The following TNIP1 variants were observed in gnomAD, a reference collection of about 807,000 sequenced individuals.
TNIP1 encodes TNFAIP3-interacting protein 1.
In TNIP1, 22 loss-of-function variants were observed where a neutral mutation model predicts 86.6. That is an observed-to-expected ratio of 0.25 (90% CI 0.18 to 0.36). The LOEUF (loss-of-function observed/expected upper bound fraction) is 0.36. TNIP1 is among the 10% of genes least tolerant of loss of function. The pLI is 1.00. For synonymous variants in TNIP1, 294 were observed against 313.0 expected (o/e 0.94, Z 0.64); for missense variants, 709 against 820.6 (o/e 0.86, Z 1.66).
At chr5:151,080,527 GA>G (rs33934794) in intron 1 of TNIP1, among the ~76,000 whole-genome samples, 35,378 of 152,010 alleles carry the variant, frequency 0.23, 5,521 homozygotes, top group East Asian at 0.57. Context: ...AACTTGATAC[GA>G]AAACTCCTGA....
At chr5:151,031,272 G>A (rs973169315) in intron 17 of TNIP1, among the ~76,000 whole-genome samples, 2 of 152,132 alleles carry the variant, frequency 1.3e-5, no homozygotes, top group Non-Finnish European at 2.9e-5. Flanking sequence ...AGGGACACTC[G>A]CCACCTCCCA....
At chr5:151,064,909 C>T (rs574799701) in intron 2 of TNIP1, 51 bp downstream of exon 2, 6 of 1,611,092 alleles carry the variant, frequency 3.7e-6, no homozygotes, top group Non-Finnish European at 5.1e-6. Flanking sequence ...GGACTGGCAT[C>T]ACAGTCTGCA....
upstream of TNIP1, among the ~76,000 whole-genome samples, chr5:151,083,487 CTGCT>C (rs537324084): frequency 4.6e-4 from 70 of 152,336 alleles, no homozygotes; most frequent in African/African-American, 1.5e-3. Context: ...CTGGCACTGC[CTGCT>C]ACCCTGTGGT....
chr5:151,032,687 T>C (rs1228191621), intron 16 of TNIP1: 2 of 352,702 alleles, frequency 5.7e-6, no homozygotes, highest in Admixed American at 4.9e-5. Context: ...CCAAGAAGGG[T>C]CATATGGGAG....
chr5:151,059,820 AGAGAGAGAGTGTGTGTGTGT>A (rs1761216096), intron 5 of TNIP1, among the ~76,000 whole-genome samples: 1 of 93,818 alleles, frequency 1.1e-5, no homozygotes, highest in Non-Finnish European at 2.0e-5. Context: ...AGAGAGAGAG[AGAGAGAGAGTGTGTGTGTGT>A]GTGTGTGTGT....
rs142764684 is a variant in TNIP1 at position 151,079,213 on chromosome 5, G to C, written c.-37+1667C>G. 5.4e-3 allele frequency among the ~76,000 whole-genome samples: 821 copies of C among 152,352 alleles called. 11 individuals are homozygous for C. Among genetic ancestry groups the C allele is most frequent in the African/African-American group, 0.019 (781 of 41,566 alleles). ...ATTTTCCCGGGACACAGCCAGGACAGCAGCCTTGGTCAGGGGAAAGGGAAC... is the reference window on the plus strand; with the variant it reads ...ATTTTCCCGGGACACAGCCAGGACACCAGCCTTGGTCAGGGGAAAGGGAAC... On this transcript the variant is annotated intron_variant, in intron 1 of 17. Coordinates refer to ENST00000521591, the MANE Select transcript of TNIP1 (RefSeq NM_006058.5).
At chr5:151,060,126 C>T (rs1471598004) in intron 5 of TNIP1, among the ~76,000 whole-genome samples, 192 bp downstream of exon 5, 2 of 152,164 alleles carry the variant, frequency 1.3e-5, no homozygotes, top group African/African-American at 4.8e-5. Context: ...TGCTCCAAGT[C>T]GGGGAAGTCA....
upstream of TNIP1, among the ~76,000 whole-genome samples, chr5:151,081,793 C>A (rs1297084798): frequency 6.6e-6 from 1 of 152,198 alleles, no homozygotes; most frequent in Non-Finnish European, 1.5e-5. Context: ...TCCACCCTAC[C>A]TACTTATATG....
intron 15 of TNIP1, 47 bp downstream of exon 15, chr5:151,034,955 G>C: frequency 6.2e-7 from 1 of 1,607,392 alleles, no homozygotes; most frequent in Non-Finnish European, 8.5e-7. Flanking sequence ...GCTCCATGAG[G>C]AAGGTAAGAG....
In TNIP1 at chr5:151,063,668, C is replaced by T. The variant is rs1416939754; in HGVS notation, c.216G>A (p.Leu72=). 1.2e-6 allele frequency: 2 copies of T among 1,614,116 alleles called. No individual in the cohort carries two copies. Among genetic ancestry groups the T allele is most frequent in the Admixed American group, 1.7e-5 (1 of 60,018 alleles). Residue 72 remains leucine (L), a synonymous_variant, in exon 3 of 18, where the codon CTG becomes CTA. Transcript: ENST00000521591. ...KAEELVKDNE[L]LPPPSPSLGS... ...CCAAGGAGGGAGAAGGTGGTGGGAG[C>T]AGCTCGTTGTCCTTCACTAGCTCCT...
At chr5:151,031,047 T>C (rs1756816443) in intron 17 of TNIP1, among the ~76,000 whole-genome samples, 1 of 152,188 alleles carries the variant, frequency 6.6e-6, no homozygotes, top group African/African-American at 2.4e-5. Flanking sequence ...CAATCTCAAA[T>C]CCTGGAGCAG....
At chr5:151,037,018 C>A in intron 12 of TNIP1, 97 bp from the exon 13 acceptor site, 1 of 1,429,122 alleles carries the variant, frequency 7.0e-7, no homozygotes, top group Non-Finnish European at 9.3e-7. Flanking sequence ...TAATAATAAT[C>A]ATACTAATAA....
chr5:151,081,000 C>CG lies in TNIP1; in HGVS notation c.-158dup, dbSNP rs1427351414. 7 of 152,250 alleles carry CG rather than the reference C, an allele frequency of 4.6e-5. No homozygotes were observed. The highest frequency in any genetic ancestry group is 7.4e-5 in the Non-Finnish European group (5 of 68,016). The allele number at this position is 152,250 out of a possible 1,614,324, so 9.4% of individuals were successfully genotyped here. A position where few individuals can be genotyped will look rare whatever the true frequency, so the allele number is the denominator to read the frequency against. ...CCGTAGCACTCCTAGGGCTCCTGGACGGGGGCAGGGCACCCGGGCCGAGGA... is the reference window on the plus strand; with the variant it reads ...CCGTAGCACTCCTAGGGCTCCTGGACGGGGGGCAGGGCACCCGGGCCGAGGA... On this transcript the variant is annotated 5_prime_UTR_variant, in exon 1 of 18. Transcript: ENST00000521591.
At chr5:151,036,718 C>A in intron 13 of TNIP1, 72 bp downstream of exon 13, 2 of 1,606,126 alleles carry the variant, frequency 1.2e-6, no homozygotes, top group Non-Finnish European at 8.5e-7. Flanking sequence ...TGATTCCAAG[C>A]CGTCTGGGCC....
chr5:151,084,380 G>A (rs1764194766), upstream of TNIP1, among the ~76,000 whole-genome samples: 1 of 151,916 alleles, frequency 6.6e-6, no homozygotes, highest in Non-Finnish European at 1.5e-5. Flanking sequence ...AGGAGGTGGA[G>A]GTTGCAATGA....
At chr5:151,077,620 C>A (rs779338167) in intron 1 of TNIP1, among the ~76,000 whole-genome samples, 17 of 152,234 alleles carry the variant, frequency 1.1e-4, no homozygotes, top group Non-Finnish European at 4.4e-5. Flanking sequence ...AGCACTGAAT[C>A]ATGTGCTCTT....
At chr5:151,060,243 C>T in intron 5 of TNIP1, 75 bp downstream of exon 5, 1 of 1,505,500 alleles carries the variant, frequency 6.6e-7, no homozygotes, top group Non-Finnish European at 9.2e-7. Context: ...AGGTTCTGTG[C>T]CTCTCACATG....
chr5:151,042,866 C>A, intron 10 of TNIP1, 30 bp downstream of exon 10: 3 of 1,612,854 alleles, frequency 1.9e-6, no homozygotes, highest in Non-Finnish European at 2.5e-6. Flanking sequence ...CAGGCATGCC[C>A]TGTGGGCGTG....
rs772415850 is a variant in TNIP1 at position 151,033,622 on chromosome 5, G to T, written c.1765C>A (p.Arg589Ser). The T allele has an allele frequency of 3.7e-6, 5 of 1,363,814 alleles. No homozygotes were observed. The highest frequency in any genetic ancestry group is 2.9e-6 in the Non-Finnish European group (3 of 1,047,078). 84.5% of individuals were successfully genotyped at this position (1,363,814 alleles called of 1,614,324 possible). A position where few individuals can be genotyped will look rare whatever the true frequency, so the allele number is the denominator to read the frequency against. ...CACAGACTCACCAGATGGAAGAGGC[G>T]CGAGTTGGGGAGTGGGGGCGGGTGC... Reference protein sequence around the residue: ...MEHPPPLPNSRLFHLPEYTWR... With the variant: ...MEHPPPLPNSSLFHLPEYTWR... Residue 589 changes from arginine to serine, a missense_variant, in exon 16 of 18, where the codon CGC becomes AGC. Arg to Ser is a moderately radical substitution (Grantham distance 110, BLOSUM62 -1). Transcript: ENST00000521591.
Sources: gnomAD v4.1 joint callset for allele counts (sites outside exome capture counted in the v4.1 genomes callset) on GRCh38, gnomAD v4.1.1 for gene constraint, MANE v1.5 for transcripts, NCBI Gene and HGNC (gene_info 2026-07-23, HGNC 2026-07-21) for gene names.